Variants in TMPRSS11E observed in about 807,000 individuals in gnomAD.
TMPRSS11E encodes the protein transmembrane serine protease 11E.
TMPRSS11E carries 38 observed loss-of-function variants against 48.1 expected under a neutral mutation model. The observed-to-expected ratio is 0.79, with a 90% CI of 0.61 to 1.04. The LOEUF is 1.04. TMPRSS11E is among the 50% of genes least tolerant of loss of function. TMPRSS11E has a pLI of 0.00. For synonymous variants in TMPRSS11E, 158 were observed against 171.9 expected (o/e 0.92, Z 0.63); for missense variants, 530 against 510.8 (o/e 1.04, Z -0.36).
chr4:68,456,608 A>G (rs1384875330), intron 1 of TMPRSS11E, among the ~76,000 whole-genome samples: 1 of 152,054 alleles, frequency 6.6e-6, no homozygotes, highest in Non-Finnish European at 1.5e-5. Context: ...TGGGCTTTTC[A>G]CAAAGTAAAA....
At chr4:68,465,660 C>T (rs1478073274) in intron 2 of TMPRSS11E, among the ~76,000 whole-genome samples, 1 of 151,936 alleles carries the variant, frequency 6.6e-6, no homozygotes, top group Non-Finnish European at 1.5e-5. Flanking sequence ...TCCTTTTCTT[C>T]TGTGGTTTAA....
intron 7 of TMPRSS11E, among the ~76,000 whole-genome samples, chr4:68,476,811 C>T (rs1729232166): frequency 6.6e-6 from 1 of 151,794 alleles, no homozygotes; most frequent in Non-Finnish European, 1.5e-5. Flanking sequence ...GGAAATTTCA[C>T]ATGGTAAGAA....
intron 1 of TMPRSS11E, among the ~76,000 whole-genome samples, chr4:68,460,050 A>C (rs1164226502): frequency 6.6e-6 from 1 of 152,152 alleles, no homozygotes; most frequent in Non-Finnish European, 1.5e-5. Context: ...TGGAGATGGG[A>C]AAGGTTGAGG....
rs1189092342 is a variant in TMPRSS11E at position 68,471,636 on chromosome 4, C to A, written c.490+13C>A. On this transcript the variant is annotated intron_variant, in intron 5 of 9. Transcript: ENST00000305363. The stretch of plus-strand genomic sequence containing the variant: ...GTTAAAATTAAAAGTAAGTTAATTT[C>A]TCTTATTTTTCTTTCATAGAACAGC... 3 of 1,551,870 alleles carry A rather than the reference C, an allele frequency of 1.9e-6. No individual in the cohort carries two copies. The highest frequency in any genetic ancestry group is 2.3e-5 in the East Asian group (1 of 43,014).
At chr4:68,475,619 A>T (rs1182050905) in intron 6 of TMPRSS11E, among the ~76,000 whole-genome samples, 1 of 152,146 alleles carries the variant, frequency 6.6e-6, no homozygotes, top group African/African-American at 2.4e-5. Flanking sequence ...AGCACCTTAT[A>T]CTTTAATGGG....
intron 9 of TMPRSS11E, among the ~76,000 whole-genome samples, chr4:68,491,008 T>C (rs973409408): frequency 1.3e-5 from 2 of 152,006 alleles, no homozygotes; most frequent in Non-Finnish European, 2.9e-5. Flanking sequence ...ATCCACCTGC[T>C]TCAGCCTTCC....
chr4:68,496,545 A>T, intron 9 of TMPRSS11E, 98 bp from the exon 10 acceptor site: 5 of 1,254,426 alleles, frequency 4.0e-6, no homozygotes, highest in Non-Finnish European at 5.5e-6. Context: ...AATACTTTTG[A>T]AAATTACCCC....
intron 4 of TMPRSS11E, among the ~76,000 whole-genome samples, chr4:68,470,533 T>C (rs1371742537): frequency 6.6e-6 from 1 of 151,886 alleles, no homozygotes; most frequent in African/African-American, 2.4e-5. Flanking sequence ...CACAAATGTA[T>C]GAGTGCATTT....
At chr4:68,472,481 C>G (rs1729101537) in intron 5 of TMPRSS11E, among the ~76,000 whole-genome samples, 1 of 151,934 alleles carries the variant, frequency 6.6e-6, no homozygotes, top group Non-Finnish European at 1.5e-5. Flanking sequence ...ATCTAGCGTA[C>G]ATTTTATACT....
intron 5 of TMPRSS11E, among the ~76,000 whole-genome samples, chr4:68,472,795 A>G (rs1729110545): frequency 6.6e-6 from 1 of 152,092 alleles, no homozygotes; most frequent in Non-Finnish European, 1.5e-5. Flanking sequence ...AAGTGCTGTT[A>G]AAAGTACAAA....
chr4:68,482,978 C>T (rs1260058270), intron 9 of TMPRSS11E, among the ~76,000 whole-genome samples: 1 of 152,148 alleles, frequency 6.6e-6, no homozygotes, highest in East Asian at 1.9e-4. Flanking sequence ...ACCCAGTTGC[C>T]AAGTCGCTTT....
chr4:68,475,636 T>C (rs1385516649), intron 6 of TMPRSS11E, among the ~76,000 whole-genome samples: 1 of 152,184 alleles, frequency 6.6e-6, no homozygotes, highest in Non-Finnish European at 1.5e-5. Flanking sequence ...TGGGACTAGG[T>C]GCATGAGACT....
At chr4:68,490,650 G>T (rs1282054502) in intron 9 of TMPRSS11E, among the ~76,000 whole-genome samples, 1 of 150,422 alleles carries the variant, frequency 6.6e-6, no homozygotes, top group East Asian at 2.0e-4. Flanking sequence ...AGTGGTGAAA[G>T]ACTTGACTTC....
chr4:68,476,749 G>A (rs1183578419), intron 7 of TMPRSS11E, among the ~76,000 whole-genome samples: 1 of 152,174 alleles, frequency 6.6e-6, no homozygotes, highest in African/African-American at 2.4e-5. Flanking sequence ...TCTCTGCTGA[G>A]TACCTTAATC....
chr4:68,455,406 G>C (rs2109663795), intron 1 of TMPRSS11E, among the ~76,000 whole-genome samples: 1 of 151,956 alleles, frequency 6.6e-6, no homozygotes, highest in South Asian at 2.1e-4. Context: ...ATACAAGTTG[G>C]GGCTCAGGGG....
intron 1 of TMPRSS11E, among the ~76,000 whole-genome samples, chr4:68,458,175 T>G (rs1370976192): frequency 5.3e-5 from 8 of 152,190 alleles, no homozygotes. Context: ...GAGCCTTGAC[T>G]TGTCATTTTC....
In TMPRSS11E at chr4:68,489,259, G is replaced by A. The variant is rs148856638; in HGVS notation, c.1111-7384G>A. 7.4e-4 allele frequency among the ~76,000 whole-genome samples: 112 copies of A among 152,326 alleles called. 1 individual carries two copies. In the East Asian group the frequency reaches 0.02, roughly 27 times the overall value. ...GCTCAGCACTCCTGGGCTGCATGCT[G>A]TACCAGGCTGTAACCTTGGGAAATT... On this transcript the variant is annotated intron_variant, in intron 9 of 9. Transcript: ENST00000305363.
intron 1 of TMPRSS11E, among the ~76,000 whole-genome samples, chr4:68,451,486 T>A (rs1157232202): frequency 6.6e-6 from 1 of 151,846 alleles, no homozygotes; most frequent in African/African-American, 2.4e-5. Context: ...AATTCTAAGA[T>A]GATAGAACTA....
At chr4:68,466,862 C>A (rs1229794027) in intron 3 of TMPRSS11E, 110 bp downstream of exon 3, 4 of 1,431,854 alleles carry the variant, frequency 2.8e-6, no homozygotes, top group Non-Finnish European at 3.9e-6. Context: ...TGTGTATTTG[C>A]AAAATGAAAA....
Sources: allele counts gnomAD v4.1 joint callset (sites outside exome capture counted in the v4.1 genomes callset), GRCh38; gene constraint gnomAD v4.1.1; transcripts MANE v1.5; gene names NCBI Gene and HGNC (gene_info 2026-07-23, HGNC 2026-07-21).